Variants in PDCD10 observed in about 807,000 individuals in gnomAD.
The protein encoded by PDCD10 is programmed cell death 10, also known as programmed cell death protein 10.
In PDCD10, 4 loss-of-function variants were observed where a neutral mutation model predicts 29.2. That is an observed-to-expected ratio of 0.14 (90% CI 0.07 to 0.31). The LOEUF is 0.31. PDCD10 is among the 10% of genes least tolerant of loss of function. The pLI, the probability that PDCD10 is intolerant of heterozygous loss-of-function variation, is 1.00. For synonymous variants in PDCD10, 70 were observed against 82.2 expected (o/e 0.85, Z 0.80); for missense variants, 183 against 257.9 (o/e 0.71, Z 1.99).
chr3:167,729,632 A>T (rs1402980957), intron 2 of PDCD10, among the ~76,000 whole-genome samples: 1 of 152,330 alleles, frequency 6.6e-6, no homozygotes, highest in East Asian at 1.9e-4. Context: ...GATCCTGTAA[A>T]ATGCTTATTA....
intron 6 of PDCD10, among the ~76,000 whole-genome samples, chr3:167,688,365 TAG>T (rs1719861695): frequency 6.6e-6 from 1 of 152,172 alleles, no homozygotes; most frequent in Non-Finnish European, 1.5e-5. Flanking sequence ...TTTAAATTAC[TAG>T]AGGAGACAAC....
chr3:167,695,775 A>C, intron 5 of PDCD10, 53 bp from the exon 6 acceptor site: 1 of 1,561,580 alleles, frequency 6.4e-7, no homozygotes, highest in South Asian at 1.1e-5. Context: ...TGCCAAATTC[A>C]TCACATCTAA....
intron 3 of PDCD10, among the ~76,000 whole-genome samples, chr3:167,715,304 T>C (rs1280351482): frequency 3.3e-5 from 5 of 151,910 alleles, no homozygotes; most frequent in African/African-American, 7.2e-5. Flanking sequence ...CATCAAACTA[T>C]GAAACTACTA....
chr3:167,686,210 C>T (rs895531432), intron 8 of PDCD10, among the ~76,000 whole-genome samples: 2 of 152,148 alleles, frequency 1.3e-5, no homozygotes, highest in African/African-American at 4.8e-5. Flanking sequence ...GACTTTCCAT[C>T]AGTTTATACA....
At chr3:167,706,296 G>C (rs1228228508) in intron 3 of PDCD10, among the ~76,000 whole-genome samples, 1 of 152,206 alleles carries the variant, frequency 6.6e-6, no homozygotes, top group African/African-American at 2.4e-5. Flanking sequence ...CCAAAATTCT[G>C]TTGGGAGTCA....
intron 3 of PDCD10, among the ~76,000 whole-genome samples, chr3:167,711,990 CT>C (rs759819400): frequency 1.3e-5 from 2 of 152,118 alleles, no homozygotes; most frequent in Non-Finnish European, 2.9e-5. Flanking sequence ...CAACACTAGA[CT>C]TGTCCTAGAA....
intron 2 of PDCD10, among the ~76,000 whole-genome samples, chr3:167,724,399 T>C (rs1042796345): frequency 1.9e-4 from 29 of 152,198 alleles, no homozygotes; most frequent in African/African-American, 6.5e-4. Context: ...AAGGGAAAGA[T>C]TGATTGACTG....
chr3:167,720,358 A>C (rs1310525494), intron 2 of PDCD10, 85 bp from the exon 3 acceptor site: 11 of 552,016 alleles, frequency 2.0e-5, no homozygotes, highest in Non-Finnish European at 1.3e-5. Flanking sequence ...CAAATTACAG[A>C]GTTCCTATTT....
At chr3:167,708,848 T>C (rs1035771689) in intron 3 of PDCD10, among the ~76,000 whole-genome samples, 1 of 152,212 alleles carries the variant, frequency 6.6e-6, no homozygotes, top group Non-Finnish European at 1.5e-5. Flanking sequence ...AAAGATTCCT[T>C]AACAATAACT....
intron 6 of PDCD10, among the ~76,000 whole-genome samples, chr3:167,692,869 G>C (rs1289314692): frequency 6.6e-6 from 1 of 152,238 alleles, no homozygotes; most frequent in Non-Finnish European, 1.5e-5. Context: ...AGTGAGCCGA[G>C]ATGGCGCCAC....
chr3:167,687,768 T>C (rs1446757839), intron 6 of PDCD10, 75 bp from the exon 7 acceptor site: 2 of 793,166 alleles, frequency 2.5e-6, no homozygotes, highest in Non-Finnish European at 4.5e-6. Context: ...CAGCTACATT[T>C]GAAAGAAATT....
chr3:167,689,283 G>C (rs1373430570), intron 6 of PDCD10, among the ~76,000 whole-genome samples: 1 of 152,082 alleles, frequency 6.6e-6, no homozygotes, highest in Admixed American at 6.5e-5. Context: ...ACTATTCTGT[G>C]AGAAAAATTA....
intron 2 of PDCD10, among the ~76,000 whole-genome samples, chr3:167,730,164 T>G (rs1331235828): frequency 6.6e-6 from 1 of 152,138 alleles, no homozygotes; most frequent in African/African-American, 2.4e-5. Context: ...TTTCAGCACA[T>G]AAATTATTTC....
At chr3:167,728,437 T>C (rs1724447352) in intron 2 of PDCD10, among the ~76,000 whole-genome samples, 1 of 152,194 alleles carries the variant, frequency 6.6e-6, no homozygotes, top group Non-Finnish European at 1.5e-5. Context: ...TGTCATTCCA[T>C]AACTTCAATC....
In PDCD10 at chr3:167,687,669, T is replaced by C; in HGVS notation, c.420A>G (p.Glu140=). ...AGACATTATTCACTGTATCAAGAAG[T>C]TCTTTTATTGCACTAGCTATATCCC... ...TIKDIASAIK[E]LLDTVNNVFK... The change falls in exon 7 of 9, where the codon GAA becomes GAG. Residue 140 remains glutamate, a synonymous_variant. Coordinates refer to ENST00000392750, the MANE Select transcript of PDCD10 (RefSeq NM_007217.4). The C allele has an allele frequency of 1.3e-6, 2 of 1,585,046 alleles. No homozygotes were observed. Among genetic ancestry groups the C allele is most frequent in the Non-Finnish European group, 1.7e-6 (2 of 1,153,766 alleles).
At chr3:167,728,284 G>T (rs1724427693) in intron 2 of PDCD10, among the ~76,000 whole-genome samples, 1 of 151,486 alleles carries the variant, frequency 6.6e-6, no homozygotes, top group Middle Eastern at 3.4e-3. Context: ...ATGAAAAAAA[G>T]CCTAGCAACA....
chr3:167,688,248 ATTC>A (rs1045831109), intron 6 of PDCD10, among the ~76,000 whole-genome samples: 41 of 152,324 alleles, frequency 2.7e-4, no homozygotes, highest in Middle Eastern at 3.4e-3. Flanking sequence ...CTGAGGAAAT[ATTC>A]TTCCTCCCTT....
chr3:167,718,955 T>C (rs1438241346), intron 3 of PDCD10, among the ~76,000 whole-genome samples: 1 of 152,044 alleles, frequency 6.6e-6, no homozygotes, highest in East Asian at 1.9e-4. Context: ...AACCTAACAT[T>C]ACTTGAGAGA....
chr3:167,699,075 C>T (rs1721103405), intron 4 of PDCD10, among the ~76,000 whole-genome samples: 1 of 152,178 alleles, frequency 6.6e-6, no homozygotes. Flanking sequence ...ACAATTTTTA[C>T]TCTGTTCTTA....
Sources: gnomAD v4.1 joint callset for allele counts (sites outside exome capture counted in the v4.1 genomes callset) on GRCh38, gnomAD v4.1.1 for gene constraint, MANE v1.5 for transcripts, NCBI Gene and HGNC (gene_info 2026-07-23, HGNC 2026-07-21) for gene names.